RFTN2: variants seen among roughly 807,000 people sequenced by gnomAD.
The protein encoded by RFTN2 is raftlin family member 2.
RFTN2 carries 34 observed loss-of-function variants against 52.7 expected under a neutral mutation model. The ratio of observed to expected loss-of-function variants is 0.64; its 90% confidence interval spans 0.49 to 0.86. The LOEUF (loss-of-function observed/expected upper bound fraction) is 0.86. Ranked by LOEUF, RFTN2 falls within the 40% of genes least tolerant of loss-of-function variation. RFTN2 has a pLI of 0.00. For missense variants in RFTN2, 536 were observed against 600.1 expected, an observed-to-expected ratio of 0.89 and a Z score of 1.12; for synonymous variants, 203 against 217.7, an observed-to-expected ratio of 0.93 and a Z score of 0.59.
intron 8 of RFTN2, among the ~76,000 whole-genome samples, chr2:197,572,805 TG>T (rs5837548): frequency 0.17 from 25,517 of 152,076 alleles, 2,900 homozygotes; most frequent in Middle Eastern, 0.32. Context: ...CCATGTGTTG[TG>T]GGAGGGGCCC....
chr2:197,622,257 A>C (rs763186961), intron 5 of RFTN2, among the ~76,000 whole-genome samples: 2 of 152,230 alleles, frequency 1.3e-5, no homozygotes, highest in Non-Finnish European at 2.9e-5. Flanking sequence ...AGATCCAGCT[A>C]AGAGAATAGA....
At chr2:197,632,683 T>TG (rs2088486239) in intron 4 of RFTN2, among the ~76,000 whole-genome samples, 1 of 151,514 alleles carries the variant, frequency 6.6e-6, no homozygotes, top group South Asian at 2.1e-4. Context: ...AAGAGGAGGG[T>TG]GGTGGTGATG....
chr2:197,642,455 A>T (rs1245422545), intron 3 of RFTN2, among the ~76,000 whole-genome samples: 1 of 152,160 alleles, frequency 6.6e-6, no homozygotes, highest in African/African-American at 2.4e-5. Context: ...TTTAAGTTTC[A>T]ATTAAGTTAT....
At chr2:197,590,740 T>G (rs954371361) in intron 8 of RFTN2, among the ~76,000 whole-genome samples, 1 of 151,970 alleles carries the variant, frequency 6.6e-6, no homozygotes. Context: ...ACCTCCACGG[T>G]GAGTGTTACA....
At chr2:197,634,202 AC>A (rs1306530791) in intron 3 of RFTN2, among the ~76,000 whole-genome samples, 6 of 152,114 alleles carry the variant, frequency 3.9e-5, no homozygotes, top group Non-Finnish European at 7.4e-5. Flanking sequence ...TGACCTTCAA[AC>A]AGAACCAAAT....
rs185711810 is a variant in RFTN2, at chr2:197,639,999, G to A, written c.438+4159C>T. On this transcript the variant is annotated intron_variant, in intron 3 of 8. Coordinates refer to ENST00000295049, the MANE Select transcript of RFTN2 (RefSeq NM_144629.3). ...TGCAGGTCTGTTGGAATACCCTGCC[G>A]TGTGAGATGTCAGTGTGCCCCTGCT... Among the ~76,000 whole-genome samples the A allele has an allele frequency of 4.8e-4, 73 of 152,230 alleles. 2 individuals carry two copies. In the South Asian group the frequency reaches 0.01, roughly 22 times the overall value.
At chr2:197,601,697 C>T (rs898405196) in intron 7 of RFTN2, among the ~76,000 whole-genome samples, 1 of 152,082 alleles carries the variant, frequency 6.6e-6, no homozygotes, top group Non-Finnish European at 1.5e-5. Context: ...GCTTATTTTA[C>T]CAAATTCCAG....
intron 8 of RFTN2, among the ~76,000 whole-genome samples, chr2:197,583,342 A>G (rs2087541496): frequency 2.0e-5 from 3 of 152,248 alleles, no homozygotes; most frequent in Admixed American, 1.3e-4. Context: ...CTGGATGGGT[A>G]GAGGTCTTTC....
intron 7 of RFTN2, among the ~76,000 whole-genome samples, chr2:197,601,601 C>T (rs2087882325): frequency 6.6e-6 from 1 of 151,948 alleles, no homozygotes; most frequent in African/African-American, 2.4e-5. Context: ...GCTTGTAGAG[C>T]TCACTGAAGC....
At chr2:197,632,112 A>C (rs912672886) in intron 4 of RFTN2, among the ~76,000 whole-genome samples, 1 of 152,222 alleles carries the variant, frequency 6.6e-6, no homozygotes, top group Non-Finnish European at 1.5e-5. Context: ...AGAAATAGAC[A>C]TCTGATTTGC....
chr2:197,641,437 A>G (rs181340177), intron 3 of RFTN2, among the ~76,000 whole-genome samples: 1 of 152,324 alleles, frequency 6.6e-6, no homozygotes, highest in African/African-American at 2.4e-5. Context: ...GAGATATGGC[A>G]TATTCTGCAG....
chr2:197,669,712 C>T (rs2106275728), intron 1 of RFTN2, among the ~76,000 whole-genome samples: 1 of 152,338 alleles, frequency 6.6e-6, no homozygotes, highest in East Asian at 1.9e-4. Context: ...GTAATGCTCA[C>T]TGGCCTGCTG....
At chr2:197,650,704 T>A (rs1315337299) in intron 1 of RFTN2, among the ~76,000 whole-genome samples, 2 of 152,220 alleles carry the variant, frequency 1.3e-5, no homozygotes, top group African/African-American at 2.4e-5. Context: ...TATGAACATG[T>A]GGGTTGTTTC....
chr2:197,667,425 C>G (rs2089077799), intron 1 of RFTN2, among the ~76,000 whole-genome samples: 1 of 152,142 alleles, frequency 6.6e-6, no homozygotes, highest in South Asian at 2.1e-4. Context: ...AATTCTCTTT[C>G]TGGAATTTCA....
rs147099728 is a variant in RFTN2 at position 197,605,458 on chromosome 2, G to A, written c.1155-9389C>T. On this transcript the variant is annotated intron_variant, in intron 7 of 8. Transcript: ENST00000295049. ...TCTCGATCTCCTGACCTCATGATCCGCCCGCCTTGGCCTCCCAAAGTGCTG... is the reference window on the plus strand; with the variant it reads ...TCTCGATCTCCTGACCTCATGATCCACCCGCCTTGGCCTCCCAAAGTGCTG... Among the ~76,000 whole-genome samples the A allele has an allele frequency of 4.9e-3, 747 of 151,904 alleles. 6 individuals carry two copies. The highest frequency in any genetic ancestry group is 0.017 in the African/African-American group (709 of 41,420).
chr2:197,583,381 C>A (rs1374977684), intron 8 of RFTN2, among the ~76,000 whole-genome samples: 1 of 152,212 alleles, frequency 6.6e-6, no homozygotes, highest in Non-Finnish European at 1.5e-5. Context: ...CCACTGCAGT[C>A]ATTTCTTCCC....
chr2:197,651,481 T>C (rs990328617), intron 1 of RFTN2, among the ~76,000 whole-genome samples: 3 of 152,114 alleles, frequency 2.0e-5, no homozygotes, highest in Non-Finnish European at 4.4e-5. Context: ...TAGCCAGGCA[T>C]GGTGGCAGAT....
At chr2:197,610,517 G>C (rs1170107319) in intron 7 of RFTN2, among the ~76,000 whole-genome samples, 2 of 152,170 alleles carry the variant, frequency 1.3e-5, no homozygotes, top group Non-Finnish European at 2.9e-5. Context: ...TTTGGGCTGA[G>C]ACAATGGGGT....
chr2:197,590,634 G>C (rs144249934), intron 8 of RFTN2, among the ~76,000 whole-genome samples: 1 of 152,152 alleles, frequency 6.6e-6, no homozygotes. Flanking sequence ...TAAAGGCGGC[G>C]TGTCCGGAGT....
Sources: allele counts gnomAD v4.1 joint callset (sites outside exome capture counted in the v4.1 genomes callset), GRCh38; gene constraint gnomAD v4.1.1; transcripts MANE v1.5; gene names NCBI Gene and HGNC (gene_info 2026-07-23, HGNC 2026-07-21).